Variants in ZCCHC7 observed in about 807,000 individuals in gnomAD.
ZCCHC7 encodes zinc finger CCHC-type containing 7.
A neutral mutation model predicts 52.0 loss-of-function variants in ZCCHC7; 35 were observed. The ratio of observed to expected loss-of-function variants is 0.67; its 90% CI spans 0.51 to 0.89. The LOEUF (loss-of-function observed/expected upper bound fraction) is 0.89. Ranked by LOEUF, ZCCHC7 falls within the 40% of genes least tolerant of loss-of-function variation. The pLI is 0.00. For synonymous variants in ZCCHC7, 217 were observed against 221.5 expected (o/e 0.98, Z 0.18); for missense variants, 574 against 649.1 (o/e 0.88, Z 1.26).
Position 37,226,417 on chromosome 9 carries a change from CTT to C in ZCCHC7, c.611-75770_611-75769del, listed in dbSNP as rs766334817. On this transcript the variant is annotated intron_variant, in intron 2 of 8. Transcript: ENST00000336755. ...AAATTCCAGCAGGCTTTAAAAAAAA[CTT>C]AAGTTGAATTTTCTAAATTGATTAT... 4.7e-3 allele frequency among the ~76,000 whole-genome samples: 712 copies of C among 152,136 alleles called. 4 individuals carry two copies. The highest frequency in any genetic ancestry group is 0.015 in the African/African-American group (636 of 41,500).
At chr9:37,230,423 C>G (rs12551798) in intron 2 of ZCCHC7, among the ~76,000 whole-genome samples, 31,532 of 151,902 alleles carry the variant, frequency 0.21, 3,541 homozygotes, top group Non-Finnish European at 0.25. Context: ...TTGTTATTGA[C>G]ATGGTGTGTG....
intron 2 of ZCCHC7, among the ~76,000 whole-genome samples, chr9:37,223,311 T>G (rs1476749596): frequency 6.6e-6 from 1 of 152,166 alleles, no homozygotes; most frequent in Non-Finnish European, 1.5e-5. Context: ...TACTCAGCCA[T>G]TAAATGTAAT....
Position 37,356,976 on chromosome 9 carries a change from A to C in ZCCHC7, c.1340A>C (p.Gln447Pro), listed in dbSNP as rs750124617. The C allele has an allele frequency of 1.2e-6, 2 of 1,613,842 alleles. No homozygotes were observed. Among genetic ancestry groups the C allele is most frequent in the South Asian group, 2.2e-5 (2 of 91,064 alleles). Reference sequence around the variant, plus strand: ...TGGCCTCAAGAAAATAAAGAAACACAAAAAGAAATGAAGAACAAGAATAGA... The same window carrying C: ...TGGCCTCAAGAAAATAAAGAAACACCAAAAGAAATGAAGAACAAGAATAGA... ...NRWPQENKET[Q>P]KEMKNKNRNW... The change falls in exon 9 of 9, where the codon CAA becomes CCA. Residue 447 changes from glutamine (Q) to proline (P), a missense_variant. Gln to Pro is a moderately conservative substitution (Grantham distance 76). Transcript: ENST00000336755.
intron 2 of ZCCHC7, among the ~76,000 whole-genome samples, chr9:37,238,013 T>C (rs1825730753): frequency 1.3e-5 from 2 of 152,314 alleles, no homozygotes; most frequent in African/African-American, 2.4e-5. Flanking sequence ...TATGAACATA[T>C]AAAAATCTCA....
At chr9:37,256,966 T>A (rs1330271230) in intron 2 of ZCCHC7, among the ~76,000 whole-genome samples, 1 of 152,194 alleles carries the variant, frequency 6.6e-6, no homozygotes, top group Non-Finnish European at 1.5e-5. Context: ...CTTCATTGGA[T>A]ATGGATACCT....
chr9:37,246,759 A>G (rs1223895163), intron 2 of ZCCHC7, among the ~76,000 whole-genome samples: 3 of 152,310 alleles, frequency 2.0e-5, no homozygotes, highest in East Asian at 1.9e-4. Flanking sequence ...TTGCAAGTCA[A>G]CTTTTTGTAT....
intron 2 of ZCCHC7, among the ~76,000 whole-genome samples, chr9:37,300,420 T>A (rs1828981765): frequency 6.6e-6 from 1 of 152,188 alleles, no homozygotes; most frequent in East Asian, 1.9e-4. Flanking sequence ...CATGGATGGT[T>A]GATGAAGGAA....
At chr9:37,120,566 C>A (rs996702277), upstream of ZCCHC7, 2 of 399,434 alleles carry the variant, frequency 5.0e-6, no homozygotes, top group East Asian at 3.6e-5. Context: ...CCTCGCCCCT[C>A]CCCGTCCCTC....
chr9:37,194,425 A>G (rs1484803947), intron 2 of ZCCHC7, among the ~76,000 whole-genome samples: 1 of 152,170 alleles, frequency 6.6e-6, no homozygotes, highest in African/African-American at 2.4e-5. Context: ...ATCAAGCAGG[A>G]TGAAGCAGTG....
At chr9:37,137,528 G>A (rs1462173899) in intron 2 of ZCCHC7, among the ~76,000 whole-genome samples, 1 of 152,188 alleles carries the variant, frequency 6.6e-6, no homozygotes, top group African/African-American at 2.4e-5. Flanking sequence ...TTTTGTATAT[G>A]TTCAGAATAC....
intron 2 of ZCCHC7, among the ~76,000 whole-genome samples, chr9:37,203,596 T>C (rs1368354702): frequency 6.6e-6 from 1 of 152,238 alleles, no homozygotes; most frequent in South Asian, 2.1e-4. Flanking sequence ...CTGAGGATGA[T>C]GGCTTCCAGC....
intron 2 of ZCCHC7, among the ~76,000 whole-genome samples, chr9:37,144,061 T>A (rs1337746438): frequency 6.6e-6 from 1 of 151,828 alleles, no homozygotes; most frequent in African/African-American, 2.4e-5. Flanking sequence ...TGACGTAAAT[T>A]AACGGGAGCC....
At chr9:37,190,165 TTGA>T (rs1304194308) in intron 2 of ZCCHC7, among the ~76,000 whole-genome samples, 1 of 152,184 alleles carries the variant, frequency 6.6e-6, no homozygotes, top group African/African-American at 2.4e-5. Flanking sequence ...TGCTACCCTC[TTGA>T]TGATGAAGGT....
At chr9:37,169,041 T>C (rs529707827) in intron 2 of ZCCHC7, among the ~76,000 whole-genome samples, 64 of 152,312 alleles carry the variant, frequency 4.2e-4, no homozygotes, top group South Asian at 2.3e-3. Flanking sequence ...TTTGAACTGT[T>C]GAAAGATCTC....
intron 2 of ZCCHC7, among the ~76,000 whole-genome samples, chr9:37,139,681 G>T (rs16933931): frequency 0.034 from 5,138 of 152,014 alleles, 293 homozygotes; most frequent in African/African-American, 0.12. Context: ...ATAAATCTGT[G>T]ATAGTGAAAA....
rs370166957 is a variant in ZCCHC7, at chr9:37,348,347, G to GTTCGTTCTTTCTTTCTTTCTTTCTTTCT, written c.988-1007_988-1006insGTTCTTTCTTTCTTTCTTTCTTTCTTTC. On this transcript the variant is annotated intron_variant, in intron 6 of 8. Transcript: ENST00000336755. ...TTCAATGACCAAGTGATACCAGTTCGTTCTTTCTTTCTTTCTTTCTTTCTT... is the reference window on the plus strand; with the variant it reads ...TTCAATGACCAAGTGATACCAGTTCGTTCGTTCTTTCTTTCTTTCTTTCTTTCTTTCTTTCTTTCTTTCTTTCTTTCTT... Among the ~76,000 whole-genome samples, 104 of 135,584 alleles carry GTTCGTTCTTTCTTTCTTTCTTTCTTTCT rather than the reference G, an allele frequency of 7.7e-4. 1 individual carries two copies. The highest frequency in any genetic ancestry group is 2.5e-3 in the African/African-American group (83 of 32,952). The allele number at this position is 135,584 out of a possible 152,430, so 88.9% of individuals were successfully genotyped here.
At chr9:37,195,239 G>T (rs146923385) in intron 2 of ZCCHC7, among the ~76,000 whole-genome samples, 1 of 152,002 alleles carries the variant, frequency 6.6e-6, no homozygotes, top group Non-Finnish European at 1.5e-5. Flanking sequence ...AAGCCACCGC[G>T]TCCAGCCAGA....
At chr9:37,182,340 AT>A (rs772378815) in intron 2 of ZCCHC7, among the ~76,000 whole-genome samples, 3 of 146,200 alleles carry the variant, frequency 2.1e-5, no homozygotes. Context: ...TTACAGTTGT[AT>A]TTTTTTTTCT....
At chr9:37,139,134 G>A (rs1843116056) in intron 2 of ZCCHC7, among the ~76,000 whole-genome samples, 1 of 151,926 alleles carries the variant, frequency 6.6e-6, no homozygotes, top group Non-Finnish European at 1.5e-5. Flanking sequence ...TGGTGGTTAA[G>A]ACTTATTAAT....
Sources: gnomAD v4.1 joint callset for allele counts (sites outside exome capture counted in the v4.1 genomes callset) on GRCh38, gnomAD v4.1.1 for gene constraint, MANE v1.5 for transcripts, NCBI Gene and HGNC (gene_info 2026-07-23, HGNC 2026-07-21) for gene names.